KLHL1: variants seen among roughly 807,000 people sequenced by gnomAD.
KLHL1 encodes kelch like family member 1, also known as kelch-like protein 1.
A neutral mutation model predicts 77.7 loss-of-function variants in KLHL1; 47 were observed. That is an observed-to-expected ratio of 0.60 (90% CI 0.48 to 0.77). The LOEUF is 0.77. KLHL1 is among the 30% of genes least tolerant of loss of function. The probability of loss-of-function intolerance (pLI) is 0.00; values close to 1 mark genes in which losing one functional copy is unlikely to be tolerated. For missense variants in KLHL1, 925 were observed against 910.8 expected, an observed-to-expected ratio of 1.02 and a Z score of -0.20; for synonymous variants, 360 against 325.2, an observed-to-expected ratio of 1.11 and a Z score of -1.15.
intron 7 of KLHL1, among the ~76,000 whole-genome samples, chr13:69,792,176 C>T (rs750996439): frequency 1.3e-5 from 2 of 152,024 alleles, no homozygotes; most frequent in Non-Finnish European, 1.5e-5. Flanking sequence ...CTGATAGAGG[C>T]CTTCTAACCA....
At chr13:69,784,289 T>C (rs1354392015) in intron 7 of KLHL1, among the ~76,000 whole-genome samples, 1 of 151,900 alleles carries the variant, frequency 6.6e-6, no homozygotes, top group African/African-American at 2.4e-5. Context: ...ATGAGCAAAA[T>C]AACCAGCTAA....
chr13:69,930,660 G>C (rs1442025365), intron 4 of KLHL1, among the ~76,000 whole-genome samples: 1 of 151,594 alleles, frequency 6.6e-6, no homozygotes, highest in Non-Finnish European at 1.5e-5. Context: ...TATTATTTAC[G>C]CTTTTTCTAG....
intron 1 of KLHL1, among the ~76,000 whole-genome samples, chr13:70,021,004 A>G (rs2049891): frequency 0.79 from 120,206 of 152,018 alleles, 47,715 homozygotes; most frequent in East Asian, 0.92. Flanking sequence ...TACATTCACT[A>G]TAATTGGTGA....
In KLHL1 at chr13:69,930,695, T is replaced by C. The variant is rs1216561583; in HGVS notation, c.1014+9345A>G. 2.6e-5 allele frequency among the ~76,000 whole-genome samples: 4 copies of C among 151,772 alleles called. No individual in the cohort carries two copies. In the East Asian group the frequency reaches 5.8e-4, roughly 22 times the overall value. On this transcript the variant is annotated intron_variant, in intron 4 of 10. Transcript: ENST00000377844. ...GTTCTGTATCAAATTTATAAAAGCA[T>C]AAAATGTGAAAGTTAGTAGGATAAT...
intron 5 of KLHL1, among the ~76,000 whole-genome samples, chr13:69,881,297 C>T (rs1170997543): frequency 6.6e-6 from 1 of 152,080 alleles, no homozygotes; most frequent in Non-Finnish European, 1.5e-5. Context: ...CCCACTTCTA[C>T]ACTTACTGTT....
At chr13:70,082,485 A>G (rs1312197737) in intron 1 of KLHL1, among the ~76,000 whole-genome samples, 1 of 152,058 alleles carries the variant, frequency 6.6e-6, no homozygotes, top group East Asian at 1.9e-4. Flanking sequence ...ACTAAGACAC[A>G]CTCCAAATTT....
chr13:70,099,196 T>C (rs1419734631), intron 1 of KLHL1, among the ~76,000 whole-genome samples: 1 of 151,866 alleles, frequency 6.6e-6, no homozygotes, highest in Non-Finnish European at 1.5e-5. Context: ...AATTGCACTA[T>C]ACAGTGAACA....
chr13:69,814,213 C>T (rs1878022958), intron 6 of KLHL1, among the ~76,000 whole-genome samples: 1 of 152,088 alleles, frequency 6.6e-6, no homozygotes, highest in South Asian at 2.1e-4. Flanking sequence ...TGAAACTGCA[C>T]TCCTACCTCT....
intron 9 of KLHL1, among the ~76,000 whole-genome samples, chr13:69,710,164 C>A (rs531334241): frequency 6.6e-6 from 1 of 151,600 alleles, no homozygotes; most frequent in African/African-American, 2.4e-5. Context: ...AAACTAATTT[C>A]CAAAGGTTTA....
chr13:69,853,260 C>T (rs886440319), intron 5 of KLHL1, among the ~76,000 whole-genome samples: 12 of 151,948 alleles, frequency 7.9e-5, no homozygotes, highest in African/African-American at 2.9e-4. Context: ...GGGGCGTTCA[C>T]CCTCATGCTG....
intron 1 of KLHL1, among the ~76,000 whole-genome samples, chr13:70,012,084 C>A (rs1163419969): frequency 2.6e-5 from 4 of 152,054 alleles, no homozygotes; most frequent in Non-Finnish European, 4.4e-5. Flanking sequence ...GAAAGACCCA[C>A]CCCCATGATT....
At chr13:69,936,840 A>C (rs756060047) in intron 4 of KLHL1, among the ~76,000 whole-genome samples, 18 of 152,106 alleles carry the variant, frequency 1.2e-4, no homozygotes, top group Non-Finnish European at 2.4e-4. Flanking sequence ...TGCATTCCTC[A>C]AGAACCTCCA....
intron 1 of KLHL1, among the ~76,000 whole-genome samples, chr13:69,991,604 T>A (rs1465567105): frequency 6.6e-6 from 1 of 151,226 alleles, no homozygotes; most frequent in Non-Finnish European, 1.5e-5. Context: ...CCTGGACATA[T>A]ACATTGAATG....
Position 69,921,651 on chromosome 13 carries a change from T to G in KLHL1, c.1014+18389A>C, listed in dbSNP as rs144225252. Among the ~76,000 whole-genome samples, 1,129 of 152,264 alleles carry G rather than the reference T, an allele frequency of 7.4e-3. 11 individuals carry two copies. The highest frequency in any genetic ancestry group is 0.025 in the African/African-American group (1,054 of 41,554). ...GGGGAAGTTTATTCCTCTGTTTCCC[T>G]TTTACATGCCCTCACTCCAATAATC... On this transcript the variant is annotated intron_variant, in intron 4 of 10. Coordinates refer to ENST00000377844, the MANE Select transcript of KLHL1 (RefSeq NM_020866.3).
intron 1 of KLHL1, among the ~76,000 whole-genome samples, chr13:70,068,680 G>A (rs1272608883): frequency 1.3e-5 from 2 of 152,130 alleles, no homozygotes; most frequent in Admixed American, 1.3e-4. Flanking sequence ...ATCGCTTGTG[G>A]CTTTATGTTA....
chr13:69,893,436 T>C (rs553507310), intron 4 of KLHL1, among the ~76,000 whole-genome samples: 1 of 151,834 alleles, frequency 6.6e-6, no homozygotes, highest in African/African-American at 2.4e-5. Flanking sequence ...GGGTTTCACC[T>C]TGTTAGCCAG....
intron 1 of KLHL1, among the ~76,000 whole-genome samples, chr13:70,015,833 C>T (rs1353762356): frequency 6.6e-6 from 1 of 152,148 alleles, no homozygotes; most frequent in Non-Finnish European, 1.5e-5. Flanking sequence ...TCTGTACAAA[C>T]TGTATACATG....
At chr13:70,103,306 C>T (rs1051309333) in intron 1 of KLHL1, among the ~76,000 whole-genome samples, 15 of 152,100 alleles carry the variant, frequency 9.9e-5, no homozygotes, top group African/African-American at 3.6e-4. Flanking sequence ...AAGTGAATGG[C>T]CTACATAGCA....
intron 5 of KLHL1, among the ~76,000 whole-genome samples, chr13:69,853,718 C>T (rs1408628764): frequency 6.6e-6 from 1 of 151,936 alleles, no homozygotes; most frequent in Non-Finnish European, 1.5e-5. Flanking sequence ...CTTACCATGC[C>T]AGATACAATG....
Sources: gnomAD v4.1 joint callset for allele counts (sites outside exome capture counted in the v4.1 genomes callset) on GRCh38, gnomAD v4.1.1 for gene constraint, MANE v1.5 for transcripts, NCBI Gene and HGNC (gene_info 2026-07-23, HGNC 2026-07-21) for gene names.